The following KYAT3 variants were observed in gnomAD, a reference collection of about 807,000 sequenced individuals.
The protein encoded by KYAT3 is kynurenine aminotransferase 3.
In KYAT3, 50 loss-of-function variants were observed where a neutral mutation model predicts 59.0. The observed-to-expected ratio is 0.85, with a 90% CI of 0.68 to 1.07. KYAT3 has a LOEUF of 1.07. KYAT3 is among the 50% of genes least tolerant of loss of function. The pLI, the probability that KYAT3 is intolerant of heterozygous loss-of-function variation, is 0.00. For missense variants in KYAT3, 497 were observed against 533.3 expected, an observed-to-expected ratio of 0.93 and a Z score of 0.67; for synonymous variants, 148 against 177.0, an observed-to-expected ratio of 0.84 and a Z score of 1.30.
intron 11 of KYAT3, among the ~76,000 whole-genome samples, chr1:88,944,629 T>C (rs1175424217): frequency 6.6e-6 from 1 of 152,040 alleles, no homozygotes; most frequent in Non-Finnish European, 1.5e-5. Flanking sequence ...AATTCAGGTT[T>C]GGCCCTAACA....
At chr1:88,979,031 C>T (rs1052632265) in intron 2 of KYAT3, among the ~76,000 whole-genome samples, 4 of 152,050 alleles carry the variant, frequency 2.6e-5, no homozygotes, top group African/African-American at 7.2e-5. Context: ...CATAAGATGC[C>T]TTAGAAGCTC....
chr1:88,988,399 T>C (rs1677595613), intron 1 of KYAT3, 48 bp from the exon 2 acceptor site: 2 of 1,041,546 alleles, frequency 1.9e-6, no homozygotes, highest in South Asian at 1.4e-5. Flanking sequence ...ATATGATGGG[T>C]ACATCACTAT....
At chr1:88,955,615 T>C (rs1455373156) in intron 8 of KYAT3, among the ~76,000 whole-genome samples, 1 of 152,210 alleles carries the variant, frequency 6.6e-6, no homozygotes, top group Non-Finnish European at 1.5e-5. Flanking sequence ...AGGGCTTAGG[T>C]TGTGATCCTG....
At chr1:88,953,254 T>A in intron 9 of KYAT3, 102 bp from the exon 10 acceptor site, 3 of 769,132 alleles carry the variant, frequency 3.9e-6, no homozygotes, top group Non-Finnish European at 6.5e-6. Flanking sequence ...TATACAATCC[T>A]AAAATGTTGG....
At chr1:88,985,849 A>G (rs1229519902) in intron 2 of KYAT3, among the ~76,000 whole-genome samples, 1 of 152,212 alleles carries the variant, frequency 6.6e-6, no homozygotes, top group Non-Finnish European at 1.5e-5. Context: ...GATATTGGGT[A>G]TGGACTAAAT....
downstream of KYAT3, among the ~76,000 whole-genome samples, chr1:88,931,771 T>A (rs933409359): frequency 6.9e-6 from 1 of 144,354 alleles, no homozygotes; most frequent in African/African-American, 2.6e-5. Flanking sequence ...GAGAGCACAA[T>A]GGGAAGGACA....
Position 88,964,994 on chromosome 1 carries a change from TAAG to T in KYAT3, c.304-19_304-17del, listed in dbSNP as rs771580725. On this transcript the variant is annotated splice_polypyrimidine_tract_variant and intron_variant, in intron 4 of 13. Coordinates refer to ENST00000260508, the MANE Select transcript of KYAT3 (RefSeq NM_001008661.3). ...ATGGATGGCCCTGTTGGATTAAAAA[TAAG>T]AACAAAACCTTGAATTTAAATATGG... The T allele has an allele frequency of 1.7e-4, 263 of 1,586,748 alleles. 2 individuals carry two copies. In the South Asian group the frequency reaches 3.0e-3, roughly 18 times the overall value.
At chr1:88,930,229 G>A in the KYAT3 span, among the ~76,000 whole-genome samples, 1 of 152,162 alleles carries the variant, frequency 6.6e-6, no homozygotes, top group East Asian at 1.9e-4. Flanking sequence ...TACAGGAAGA[G>A]ATCTTACTGT....
intron 13 of KYAT3, among the ~76,000 whole-genome samples, chr1:88,939,316 T>C (rs920754300): frequency 6.6e-6 from 1 of 152,206 alleles, no homozygotes; most frequent in Non-Finnish European, 1.5e-5. Flanking sequence ...TCTTGGTATG[T>C]TTTTGTCATT....
chr1:88,925,776 CAA>C, the KYAT3 span, among the ~76,000 whole-genome samples: 1 of 151,124 alleles, frequency 6.6e-6, no homozygotes, highest in African/African-American at 2.4e-5. Context: ...AAGAGGGAGT[CAA>C]AGAGAAAAAG....
At chr1:88,944,646 C>A (rs888687809) in intron 11 of KYAT3, among the ~76,000 whole-genome samples, 7 of 152,132 alleles carry the variant, frequency 4.6e-5, no homozygotes, top group Non-Finnish European at 8.8e-5. Flanking sequence ...AACAAAAATA[C>A]CAGCTAAAAA....
chr1:88,976,006 C>A (rs1676774912), intron 2 of KYAT3, among the ~76,000 whole-genome samples: 1 of 151,428 alleles, frequency 6.6e-6, no homozygotes, highest in Admixed American at 6.6e-5. Context: ...TGCATTCCAG[C>A]CTGGGTGACA....
At chr1:88,927,963 G>T in the KYAT3 span, among the ~76,000 whole-genome samples, 1 of 152,188 alleles carries the variant, frequency 6.6e-6, no homozygotes, top group African/African-American at 2.4e-5. Flanking sequence ...GAAAGAGAAT[G>T]ATTCCCCACA....
At chr1:88,921,833 G>A in the KYAT3 span, among the ~76,000 whole-genome samples, 5 of 152,154 alleles carry the variant, frequency 3.3e-5, no homozygotes, top group African/African-American at 1.2e-4. Flanking sequence ...TAACTCAGGG[G>A]AAGTCAGCCT....
At chr1:88,976,734 A>G (rs1303863980) in intron 2 of KYAT3, among the ~76,000 whole-genome samples, 1 of 152,192 alleles carries the variant, frequency 6.6e-6, no homozygotes, top group Non-Finnish European at 1.5e-5. Context: ...TTCCAGTGGG[A>G]CAAGACGTGG....
At chr1:88,938,174 T>TA (rs1675107516) in intron 13 of KYAT3, among the ~76,000 whole-genome samples, 1 of 152,120 alleles carries the variant, frequency 6.6e-6, no homozygotes. Flanking sequence ...TACTCTGAAA[T>TA]AGTTTAGAAA....
At chr1:88,941,633 C>G (rs1222375988) in intron 13 of KYAT3, among the ~76,000 whole-genome samples, 1 of 151,926 alleles carries the variant, frequency 6.6e-6, no homozygotes, top group South Asian at 2.1e-4. Flanking sequence ...CCTGGACGTG[C>G]TGGGCTCATG....
downstream of KYAT3, among the ~76,000 whole-genome samples, chr1:88,935,160 ATTT>A (rs111681890): frequency 7.0e-6 from 1 of 142,254 alleles, no homozygotes. Context: ...CGCCCAGCCA[ATTT>A]TTTTTTTTTT....
chr1:88,975,149 ACT>A (rs1362223568), intron 2 of KYAT3, among the ~76,000 whole-genome samples: 3 of 151,998 alleles, frequency 2.0e-5, no homozygotes, highest in Non-Finnish European at 4.4e-5. Context: ...GAAGGAAGAA[ACT>A]CTGGACACAT....
Sources: gnomAD v4.1 joint callset for allele counts (sites outside exome capture counted in the v4.1 genomes callset) on GRCh38, gnomAD v4.1.1 for gene constraint, MANE v1.5 for transcripts, NCBI Gene and HGNC (gene_info 2026-07-23, HGNC 2026-07-21) for gene names.